IQCH: variants seen among roughly 807,000 people sequenced by gnomAD.
IQCH encodes the protein IQ motif containing H.
IQCH carries 98 observed loss-of-function variants against 117.0 expected under a neutral mutation model. That is an observed-to-expected ratio of 0.84 (90% CI 0.71 to 0.99). The LOEUF (loss-of-function observed/expected upper bound fraction) is 0.99. IQCH is among the 50% of genes least tolerant of loss of function. IQCH has a pLI of 0.00. For missense variants in IQCH, 1,102 were observed against 1,243.8 expected (o/e 0.89, Z 1.72); for synonymous variants, 412 against 448.2 (o/e 0.92, Z 1.02).
intron 16 of IQCH, 92 bp downstream of exon 16, chr15:67,421,669 T>A: frequency 7.8e-7 from 1 of 1,274,498 alleles, no homozygotes; most frequent in Non-Finnish European, 1.1e-6. Context: ...TGAGGGCTCT[T>A]CTAAAATGCA....
At chr15:67,400,463 G>A (rs1481480723) in intron 14 of IQCH, among the ~76,000 whole-genome samples, 158 bp downstream of exon 14, 2 of 150,346 alleles carry the variant, frequency 1.3e-5, no homozygotes, top group Admixed American at 1.3e-4. Context: ...TATACACAAT[G>A]AATGGGATTG....
Position 67,475,821 on chromosome 15 carries a change from A to G in IQCH, c.2799+3A>G, listed in dbSNP as rs1255397910. On this transcript the variant is annotated splice_donor_region_variant and intron_variant, in intron 18 of 20. Transcript: ENST00000335894. This position sits in a 1 kb window ranked among gnomAD's most constrained non-coding sequence, Gnocchi z 5.7. ...ATGGCATTGGCTATGATGTTGAGGT[A>G]TGAAGGGTTACAGTTGGCCAGGGGC... is the stretch of plus-strand genomic sequence containing the variant. The G allele has an allele frequency of 6.2e-7, 1 of 1,613,534 alleles. No individual in the cohort carries two copies. The highest frequency in any genetic ancestry group is 8.5e-7 in the Non-Finnish European group (1 of 1,179,702).
chr15:67,486,370 C>T (rs986667366), intron 18 of IQCH, among the ~76,000 whole-genome samples: 4 of 151,846 alleles, frequency 2.6e-5, no homozygotes, highest in Admixed American at 2.0e-4. Flanking sequence ...AGCTAGAAGA[C>T]AATGGGAACA....
In IQCH at chr15:67,454,453, A is replaced by G. The variant is rs536401541; in HGVS notation, c.2506-10674A>G. On this transcript the variant is annotated intron_variant, in intron 16 of 20. Coordinates refer to ENST00000335894, the MANE Select transcript of IQCH (RefSeq NM_001031715.3). The surrounding 1 kb of genome is among the most constrained non-coding windows in gnomAD (Gnocchi z 5.2). ...AATTCACACTTTTAAAATATACATT[A>G]CAATGGTTTTTAGTATATTCACAGA... Among the ~76,000 whole-genome samples, 1 of 152,342 alleles carries G rather than the reference A, an allele frequency of 6.6e-6. No individual in the cohort carries two copies. The highest frequency in any genetic ancestry group is 2.1e-4 in the South Asian group (1 of 4,826).
chr15:67,270,874 T>C (rs1011144018), intron 3 of IQCH, among the ~76,000 whole-genome samples: 2 of 152,230 alleles, frequency 1.3e-5, no homozygotes, highest in African/African-American at 4.8e-5. Flanking sequence ...AGATGCCTTT[T>C]AGCATCTATT....
In IQCH at chr15:67,365,130, G is replaced by A. The variant is rs983355191; in HGVS notation, c.753+5245G>A. Among the ~76,000 whole-genome samples, 3 of 152,044 alleles carry A rather than the reference G, an allele frequency of 2.0e-5. No homozygotes were observed. Among genetic ancestry groups the A allele is most frequent in the African/African-American group, 4.8e-5 (2 of 41,384 alleles). On this transcript the variant is annotated intron_variant, in intron 8 of 20. Transcript: ENST00000335894. This position sits in a 1 kb window ranked among gnomAD's most constrained non-coding sequence, Gnocchi z 4.4. ...CTAATTTTTCTGGCATTTCTTTGTC[G>A]AGATGGGGTTTTACCATGTTGCCCA...
rs931383679 is a variant in IQCH, at chr15:67,386,135, A to G, written c.1456+1116A>G. ...GATTTGTTAGTGCTAAGCTATTTCA[A>G]CTAAAAACCTGACTGGATGGAAACC... On this transcript the variant is annotated intron_variant, in intron 11 of 20. Coordinates refer to ENST00000335894, the MANE Select transcript of IQCH (RefSeq NM_001031715.3). The surrounding 1 kb of genome is among the most constrained non-coding windows in gnomAD (Gnocchi z 5.0). 3.9e-5 allele frequency among the ~76,000 whole-genome samples: 6 copies of G among 152,298 alleles called. No homozygotes were observed. In the East Asian group the frequency reaches 1.2e-3, roughly 29 times the overall value.
intron 15 of IQCH, among the ~76,000 whole-genome samples, chr15:67,420,803 T>G (rs1027684116): frequency 6.6e-6 from 1 of 152,248 alleles, no homozygotes; most frequent in Non-Finnish European, 1.5e-5. Context: ...AGAAGTCCTT[T>G]GGCTGACATG....
At chr15:67,317,608 A>G (rs1467323343) in intron 4 of IQCH, among the ~76,000 whole-genome samples, 1 of 152,196 alleles carries the variant, frequency 6.6e-6, no homozygotes, top group African/African-American at 2.4e-5. Flanking sequence ...TTCATATGGT[A>G]TACCTTGAAT....
At chr15:67,309,097 T>G (rs1967457052) in intron 4 of IQCH, among the ~76,000 whole-genome samples, 1 of 152,112 alleles carries the variant, frequency 6.6e-6, no homozygotes, top group African/African-American at 2.4e-5. Context: ...CTCCCTTTCC[T>G]CATGTAAAAT....
chr15:67,312,311 G>T (rs1403317865), intron 4 of IQCH, among the ~76,000 whole-genome samples: 1 of 152,092 alleles, frequency 6.6e-6, no homozygotes, highest in Non-Finnish European at 1.5e-5. Flanking sequence ...AGGTTCCCAT[G>T]TATTTTATTT....
intron 4 of IQCH, among the ~76,000 whole-genome samples, chr15:67,318,598 C>T (rs1196721025): frequency 1.3e-5 from 2 of 151,874 alleles, no homozygotes; most frequent in East Asian, 3.9e-4. Flanking sequence ...TCTTTTTTTC[C>T]CCCTAAAGAA....
At chr15:67,305,209 CT>C (rs1967238321) in intron 4 of IQCH, among the ~76,000 whole-genome samples, 1 of 151,928 alleles carries the variant, frequency 6.6e-6, no homozygotes, top group Non-Finnish European at 1.5e-5. Flanking sequence ...AAATGTATGC[CT>C]TGGTGAAATC....
intron 18 of IQCH, among the ~76,000 whole-genome samples, chr15:67,483,365 A>G (rs1273159881): frequency 6.6e-6 from 1 of 152,130 alleles, no homozygotes; most frequent in East Asian, 1.9e-4. Context: ...AAAAATACAA[A>G]AATTATCTGG....
rs1298304912 is a variant in IQCH, at chr15:67,388,655, G to A, written c.1457-176G>A. Among the ~76,000 whole-genome samples the A allele has an allele frequency of 2.0e-5, 3 of 152,096 alleles. No homozygotes were observed. Among genetic ancestry groups the A allele is most frequent in the East Asian group, 3.9e-4 (2 of 5,194 alleles). ...TTTATATTTTCTTTAGAGAAATGCC[G>A]AACTGTAAAAAAGCCAGTTAGATTG... On this transcript the variant is annotated intron_variant, in intron 11 of 20. Transcript: ENST00000335894. This position sits in a 1 kb window ranked among gnomAD's most constrained non-coding sequence, Gnocchi z 5.5.
At chr15:67,349,564 C>T (rs116972932) in intron 6 of IQCH, among the ~76,000 whole-genome samples, 1,789 of 145,270 alleles carry the variant, frequency 0.012, 22 homozygotes, top group South Asian at 0.023. Flanking sequence ...GCCGAGATTG[C>T]GCCATTGCTC....
intron 1 of IQCH, among the ~76,000 whole-genome samples, chr15:67,259,422 A>G (rs778804468): frequency 3.9e-5 from 6 of 152,234 alleles, no homozygotes; most frequent in Non-Finnish European, 8.8e-5. Context: ...GAAATTAGAA[A>G]TTCAGAAAAT....
At chr15:67,304,397 CT>C (rs1202799780) in intron 4 of IQCH, 1 of 1,535,054 alleles carries the variant, frequency 6.5e-7, no homozygotes, top group South Asian at 1.2e-5. Flanking sequence ...CACCACAGAG[CT>C]GCTGTAAATG....
Position 67,386,967 on chromosome 15 carries a change from C to T in IQCH, c.1457-1864C>T, listed in dbSNP as rs560487272. Among the ~76,000 whole-genome samples, 1 of 152,090 alleles carries T rather than the reference C, an allele frequency of 6.6e-6. No homozygotes were observed. Among genetic ancestry groups the T allele is most frequent in the East Asian group, 1.9e-4 (1 of 5,186 alleles). On this transcript the variant is annotated intron_variant, in intron 11 of 20. Transcript: ENST00000335894. This position sits in a 1 kb window ranked among gnomAD's most constrained non-coding sequence, Gnocchi z 5.0. ...TCATTTGTAACCTAGAAATTTTCTTCCCAAGAAAAAAATTATTTTTCATCT... is the reference window on the plus strand; with the variant it reads ...TCATTTGTAACCTAGAAATTTTCTTTCCAAGAAAAAAATTATTTTTCATCT...
Sources: gnomAD v4.1 joint callset for allele counts (sites outside exome capture counted in the v4.1 genomes callset) on GRCh38, gnomAD v4.1.1 for gene constraint, Gnocchi (gnomAD v3.1) non-coding constraint, MANE v1.5 for transcripts, NCBI Gene and HGNC (gene_info 2026-07-23, HGNC 2026-07-21) for gene names.